The following TTC28 variants were observed in gnomAD, a reference collection of about 807,000 sequenced individuals.
The protein encoded by TTC28 is tetratricopeptide repeat protein 28.
TTC28 carries 61 observed loss-of-function variants against 198.0 expected under a neutral mutation model. The ratio of observed to expected loss-of-function variants is 0.31; its 90% CI spans 0.25 to 0.38. The LOEUF (loss-of-function observed/expected upper bound fraction) is 0.38, where lower values mean the gene tolerates loss of function less well. Among genes scored for constraint, TTC28 ranks in the 10% least tolerant of loss-of-function variants. TTC28 has a pLI of 1.00. For synonymous variants in TTC28, 1,171 were observed against 1,297.8 expected (o/e 0.90, Z 2.10); for missense variants, 2,678 against 3,164.0 (o/e 0.85, Z 3.69).
chr22:28,473,998 T>A (rs2048130645), intron 2 of TTC28, among the ~76,000 whole-genome samples: 1 of 152,242 alleles, frequency 6.6e-6, no homozygotes, highest in African/African-American at 2.4e-5. Flanking sequence ...CAGTTTGTGG[T>A]ACTTTGTTAC....
intron 2 of TTC28, among the ~76,000 whole-genome samples, chr22:28,418,341 G>A (rs1457204556): frequency 6.6e-6 from 1 of 152,186 alleles, no homozygotes; most frequent in Non-Finnish European, 1.5e-5. Context: ...GACGGCAGTT[G>A]AACTGCTTAG....
chr22:28,134,899 G>A (rs1943162491), intron 6 of TTC28, among the ~76,000 whole-genome samples: 1 of 151,992 alleles, frequency 6.6e-6, no homozygotes, highest in African/African-American at 2.4e-5. Flanking sequence ...TTTTCCATTT[G>A]TTTCAAGCTT....
chr22:28,154,027 G>A (rs1353558654), intron 6 of TTC28, among the ~76,000 whole-genome samples: 1 of 152,108 alleles, frequency 6.6e-6, no homozygotes, highest in Non-Finnish European at 1.5e-5. Context: ...AGAGAGAGAG[G>A]AGAAACTGAG....
At chr22:28,277,297 T>C (rs1601567635) in intron 5 of TTC28, among the ~76,000 whole-genome samples, 1 of 152,342 alleles carries the variant, frequency 6.6e-6, no homozygotes, top group South Asian at 2.1e-4. Flanking sequence ...TCATATATGT[T>C]GCATGGTAAT....
At chr22:28,182,638 T>C (rs757654749) in intron 5 of TTC28, among the ~76,000 whole-genome samples, 9 of 152,064 alleles carry the variant, frequency 5.9e-5, no homozygotes, top group Non-Finnish European at 1.2e-4. Context: ...ACAGCCCCCC[T>C]GCTAAAAAAG....
intron 2 of TTC28, among the ~76,000 whole-genome samples, chr22:28,476,262 TTTA>T: frequency 6.6e-6 from 1 of 152,336 alleles, no homozygotes; most frequent in South Asian, 2.1e-4. Flanking sequence ...GTTTTGCTTG[TTTA>T]TTAACTTTAT....
In TTC28 at chr22:28,513,068, AGCTCCTGGATCAG is replaced by A. The variant is rs1387162937; in HGVS notation, c.381+116471_381+116483del. Among the ~76,000 whole-genome samples, 9 of 151,304 alleles carry A rather than the reference AGCTCCTGGATCAG, an allele frequency of 5.9e-5. No individual in the cohort carries two copies. In the East Asian group the frequency reaches 1.7e-3, roughly 29 times the overall value. On this transcript the variant is annotated intron_variant, in intron 2 of 22. Coordinates refer to ENST00000397906, the MANE Select transcript of TTC28 (RefSeq NM_001145418.2). ...AAACGTAGCTCACTGTAAACTCAAA[AGCTCCTGGATCAG>A]GCGATCCTCTCACCTCAGCTTCCCA...
At chr22:28,641,652 T>A (rs2051367730) in intron 1 of TTC28, among the ~76,000 whole-genome samples, 1 of 152,160 alleles carries the variant, frequency 6.6e-6, no homozygotes, top group African/African-American at 2.4e-5. Context: ...AAATGGTGAC[T>A]TTTATGGTGT....
chr22:28,048,656 G>GGAC (rs1309052060), intron 12 of TTC28, among the ~76,000 whole-genome samples: 1 of 152,084 alleles, frequency 6.6e-6, no homozygotes, highest in African/African-American at 2.4e-5. Flanking sequence ...ACCACCTAGA[G>GGAC]GACAGTGCAG....
chr22:28,156,623 G>T (rs556623302), intron 6 of TTC28, among the ~76,000 whole-genome samples: 1 of 152,202 alleles, frequency 6.6e-6, no homozygotes, highest in Non-Finnish European at 1.5e-5. Context: ...GATGTTCCAC[G>T]TGTGGGCTCA....
chr22:27,983,386 C>T lies in TTC28; in HGVS notation c.6281G>A (p.Arg2094Lys), dbSNP rs377260379. The change falls in exon 23 of 23, where the codon AGA becomes AAA. Residue 2094 changes from arginine to lysine, a missense_variant. Physicochemically the swap from Arg to Lys is conservative, Grantham distance 26. Around this residue, in one of 8 missense-constraint regions of TTC28, gnomAD observed 622 missense variants for 656.0 expected, o/e 0.95. Coordinates refer to ENST00000397906, the MANE Select transcript of TTC28 (RefSeq NM_001145418.2). ...QPQPGTAGGM[R>K]VSVSSKGSIS... ...GCTCCCTTTGGAGCTCACCGAGACT[C>T]TCATGCCTCCGGCTGTCCCAGGTTG... 1 of 1,551,290 alleles carries T rather than the reference C, an allele frequency of 6.4e-7. No individual in the cohort carries two copies. Among genetic ancestry groups the T allele is most frequent in the South Asian group, 1.2e-5 (1 of 84,034 alleles).
At chr22:28,474,869 C>T (rs944945812) in intron 2 of TTC28, among the ~76,000 whole-genome samples, 2 of 150,954 alleles carry the variant, frequency 1.3e-5, no homozygotes, top group Admixed American at 1.3e-4. Flanking sequence ...AAGGCAGGCA[C>T]CAAAGCAAAC....
intron 2 of TTC28, among the ~76,000 whole-genome samples, chr22:28,407,422 G>A (rs912832500): frequency 1.3e-5 from 2 of 151,948 alleles, no homozygotes; most frequent in African/African-American, 2.4e-5. Context: ...TCCCAGGTTC[G>A]GGAATATGGA....
rs1049872661 is a variant in TTC28 at position 28,537,339 on chromosome 22, A to C, written c.381+92213T>G. On this transcript the variant is annotated intron_variant, in intron 2 of 22. Coordinates refer to ENST00000397906, the MANE Select transcript of TTC28 (RefSeq NM_001145418.2). ...AAAATAAAATAAAATAAAATAAAAT[A>C]AAAACAAGAATAGGCAAATCAATGA... Among the ~76,000 whole-genome samples the C allele has an allele frequency of 2.0e-5, 3 of 148,436 alleles. 1 individual carries two copies. Among genetic ancestry groups the C allele is most frequent in the Admixed American group, 6.7e-5 (1 of 14,886 alleles).
At chr22:28,168,601 G>A (rs1922295905) in intron 5 of TTC28, among the ~76,000 whole-genome samples, 2 of 152,190 alleles carry the variant, frequency 1.3e-5, no homozygotes, top group East Asian at 1.9e-4. Flanking sequence ...AATGGTGCTG[G>A]GAAAACTGGC....
At chr22:28,506,950 G>A (rs537884676) in intron 2 of TTC28, among the ~76,000 whole-genome samples, 9 of 152,306 alleles carry the variant, frequency 5.9e-5, no homozygotes, top group East Asian at 1.9e-4. Context: ...CCACAAAGAT[G>A]AGAAAGAATC....
chr22:28,656,767 G>A (rs928260605), intron 1 of TTC28, among the ~76,000 whole-genome samples: 5 of 152,100 alleles, frequency 3.3e-5, no homozygotes, highest in African/African-American at 9.7e-5. Context: ...CTGTCGTGGC[G>A]TGGAGAGAGG....
chr22:28,352,984 G>T (rs575884616), intron 2 of TTC28, among the ~76,000 whole-genome samples: 76 of 152,246 alleles, frequency 5.0e-4, no homozygotes, highest in African/African-American at 1.8e-3. Context: ...ATAAAAAAGA[G>T]GGTACTTCAT....
At chr22:28,315,711 C>T (rs1235043209) in intron 2 of TTC28, among the ~76,000 whole-genome samples, 1 of 152,098 alleles carries the variant, frequency 6.6e-6, no homozygotes, top group Non-Finnish European at 1.5e-5. Flanking sequence ...TGGGTCTATT[C>T]CTAGACTCTC....
Sources: gnomAD v4.1 joint callset for allele counts (sites outside exome capture counted in the v4.1 genomes callset) on GRCh38, gnomAD v4.1.1 for gene constraint, gnomAD v4.1.1 regional missense constraint, MANE v1.5 for transcripts, NCBI Gene and HGNC (gene_info 2026-07-23, HGNC 2026-07-21) for gene names.